ST6GALNAC5: variants seen among roughly 807,000 people sequenced by gnomAD.
ST6GALNAC5 encodes the protein alpha-N-acetylgalactosaminide alpha-2,6-sialyltransferase 5.
In ST6GALNAC5, 27 loss-of-function variants were observed where a neutral mutation model predicts 33.6. The observed-to-expected ratio is 0.80, with a 90% CI of 0.59 to 1.11. The LOEUF is 1.11. Ranked by LOEUF, ST6GALNAC5 falls within the 50% of genes least tolerant of loss-of-function variation. The probability of loss-of-function intolerance (pLI) is 0.00; values close to 1 mark genes in which losing one functional copy is unlikely to be tolerated. For synonymous variants in ST6GALNAC5, 194 were observed against 171.2 expected (o/e 1.13, Z -1.04); for missense variants, 428 against 454.0 (o/e 0.94, Z 0.52).
At chr1:76,873,357 G>A (rs1653553305) in intron 2 of ST6GALNAC5, among the ~76,000 whole-genome samples, 1 of 152,172 alleles carries the variant, frequency 6.6e-6, no homozygotes, top group Non-Finnish European at 1.5e-5. Context: ...TAATCTTAAA[G>A]TTTATTTGTC....
chr1:77,001,923 T>C (rs915501374), intron 2 of ST6GALNAC5, among the ~76,000 whole-genome samples: 1 of 152,164 alleles, frequency 6.6e-6, no homozygotes, highest in African/African-American at 2.4e-5. Context: ...TGCATCAATG[T>C]TCATCAAGGA....
chr1:76,986,934 A>G (rs1240796367), intron 2 of ST6GALNAC5, among the ~76,000 whole-genome samples: 1 of 152,122 alleles, frequency 6.6e-6, no homozygotes, highest in Non-Finnish European at 1.5e-5. Context: ...TCCAAACACC[A>G]CATGTTCTCA....
intron 2 of ST6GALNAC5, among the ~76,000 whole-genome samples, chr1:76,964,896 T>C (rs747111846): frequency 2.0e-5 from 3 of 152,176 alleles, no homozygotes; most frequent in Non-Finnish European, 4.4e-5. Context: ...CTCAGAATGA[T>C]GGTTTCCAGC....
rs779326695 is a variant in ST6GALNAC5, at chr1:76,892,263, G to A, written c.261+23521G>A. ...AGACTATACCTCTTTTATGACTGCTGTTGTTATTTAGGGCTTCTTTTTTCT... is the reference window on the plus strand; with the variant it reads ...AGACTATACCTCTTTTATGACTGCTATTGTTATTTAGGGCTTCTTTTTTCT... On this transcript the variant is annotated intron_variant, in intron 2 of 4. Transcript: ENST00000477717. 3.3e-5 allele frequency among the ~76,000 whole-genome samples: 5 copies of A among 152,298 alleles called. No homozygotes were observed. The East Asian group carries it at 9.6e-4, about 29-fold the overall frequency.
Position 77,066,739 on chromosome 1 carries a change from T to C in ST6GALNAC5, c.*3533T>C, listed in dbSNP as rs1024136862. ...GGTGATGTTAACACTCTACATGTTTTGTATCTGACCCAATCATTTCTTCCA... is the reference window on the plus strand; with the variant it reads ...GGTGATGTTAACACTCTACATGTTTCGTATCTGACCCAATCATTTCTTCCA... On this transcript the variant is annotated 3_prime_UTR_variant, in exon 5 of 5. Transcript: ENST00000477717. Among the ~76,000 whole-genome samples the C allele has an allele frequency of 2.0e-5, 3 of 152,224 alleles. No homozygotes were observed. The highest frequency in any genetic ancestry group is 4.4e-5 in the Non-Finnish European group (3 of 68,030).
intron 2 of ST6GALNAC5, among the ~76,000 whole-genome samples, chr1:76,900,438 G>C (rs1196417924): frequency 6.6e-6 from 1 of 152,128 alleles, no homozygotes; most frequent in Non-Finnish European, 1.5e-5. Context: ...AATTATTAAA[G>C]ATTTTATAGG....
intron 2 of ST6GALNAC5, among the ~76,000 whole-genome samples, chr1:76,880,533 G>C (rs761379828): frequency 6.6e-6 from 1 of 152,272 alleles, no homozygotes; most frequent in South Asian, 2.1e-4. Flanking sequence ...CCACAAGCTT[G>C]AGGAACAAAA....
chr1:76,981,246 C>G (rs964655518), intron 2 of ST6GALNAC5, among the ~76,000 whole-genome samples: 2 of 152,180 alleles, frequency 1.3e-5, no homozygotes, highest in Non-Finnish European at 2.9e-5. Flanking sequence ...CCAAGGGAAG[C>G]CGTGACAGAC....
intron 2 of ST6GALNAC5, among the ~76,000 whole-genome samples, chr1:77,016,347 A>G (rs1377775699): frequency 1.4e-5 from 2 of 144,976 alleles, no homozygotes; most frequent in Non-Finnish European, 3.0e-5. Flanking sequence ...ACTCCTCCTC[A>G]TTCTTGCTAG....
intron 2 of ST6GALNAC5, among the ~76,000 whole-genome samples, chr1:76,987,097 ACATGG>A (rs1426454760): frequency 6.6e-6 from 1 of 152,146 alleles, no homozygotes; most frequent in African/African-American, 2.4e-5. Context: ...CAGCAAACCA[ACATGG>A]CATGTGTATA....
At chr1:76,999,423 G>T (rs1650058284) in intron 2 of ST6GALNAC5, among the ~76,000 whole-genome samples, 1 of 151,530 alleles carries the variant, frequency 6.6e-6, no homozygotes, top group Non-Finnish European at 1.5e-5. Flanking sequence ...ACTTGCTCCT[G>T]CTGTGGAAAT....
chr1:76,908,426 A>G (rs1327156918), intron 2 of ST6GALNAC5, among the ~76,000 whole-genome samples: 1 of 152,052 alleles, frequency 6.6e-6, no homozygotes, highest in African/African-American at 2.4e-5. Flanking sequence ...TTACAACCCA[A>G]TCACCTCCCA....
At chr1:76,891,376 T>C (rs1354775800) in intron 2 of ST6GALNAC5, among the ~76,000 whole-genome samples, 2 of 152,332 alleles carry the variant, frequency 1.3e-5, no homozygotes, top group East Asian at 1.9e-4. Flanking sequence ...TATGTGCTTA[T>C]TGTCTATTTG....
chr1:76,986,742 T>C (rs567406237), intron 2 of ST6GALNAC5, among the ~76,000 whole-genome samples: 124 of 152,248 alleles, frequency 8.1e-4, no homozygotes, highest in Non-Finnish European at 1.4e-3. Context: ...ATTCACAATA[T>C]CAATGACTTG....
chr1:76,913,722 C>A (rs1347773415), intron 2 of ST6GALNAC5, among the ~76,000 whole-genome samples: 1 of 151,938 alleles, frequency 6.6e-6, no homozygotes, highest in Non-Finnish European at 1.5e-5. Context: ...GGCTCCAAAC[C>A]CACAGGCAAT....
At chr1:77,001,166 C>T (rs7328916) in intron 2 of ST6GALNAC5, among the ~76,000 whole-genome samples, 8 of 143,354 alleles carry the variant, frequency 5.6e-5, no homozygotes, top group Non-Finnish European at 9.2e-5. Context: ...CTTTTATTTC[C>T]TTGAGCAGTG....
intron 2 of ST6GALNAC5, among the ~76,000 whole-genome samples, chr1:77,008,791 A>G (rs2100421106): frequency 6.6e-6 from 1 of 152,234 alleles, no homozygotes; most frequent in Non-Finnish European, 1.5e-5. Flanking sequence ...CAGCCTACCA[A>G]AGTGCTGGGA....
chr1:76,941,575 C>A (rs1419041299), intron 2 of ST6GALNAC5, among the ~76,000 whole-genome samples: 1 of 152,076 alleles, frequency 6.6e-6, no homozygotes, highest in East Asian at 1.9e-4. Context: ...TGAGATTATC[C>A]TGGATTACCC....
In ST6GALNAC5 at chr1:76,887,703, A is replaced by G. The variant is rs552739212; in HGVS notation, c.261+18961A>G. Among the ~76,000 whole-genome samples, 4 of 152,128 alleles carry G rather than the reference A, an allele frequency of 2.6e-5. No homozygotes were observed. In the East Asian group the frequency reaches 7.7e-4, roughly 29 times the overall value. ...CAGAATAATTCTCTTGCTCATTTTT[A>G]TTATTTTGGCTAGTAATTAAATCCT... On this transcript the variant is annotated intron_variant, in intron 2 of 4. Transcript: ENST00000477717.
Sources: allele counts gnomAD v4.1 joint callset (sites outside exome capture counted in the v4.1 genomes callset), GRCh38; gene constraint gnomAD v4.1.1; transcripts MANE v1.5; gene names NCBI Gene and HGNC (gene_info 2026-07-23, HGNC 2026-07-21).